NRXN1: variants seen among roughly 807,000 people sequenced by gnomAD.
The protein encoded by NRXN1 is neurexin 1.
A neutral mutation model predicts 150.9 loss-of-function variants in NRXN1; 39 were observed. The ratio of observed to expected loss-of-function variants is 0.26; its 90% CI spans 0.20 to 0.34. NRXN1 has a LOEUF of 0.34. NRXN1 is among the 10% of genes least tolerant of loss of function. NRXN1 has a pLI of 1.00. For missense variants in NRXN1, 1,815 were observed against 1,949.9 expected (o/e 0.93, Z 1.30); for synonymous variants, 924 against 757.0 (o/e 1.22, Z -3.62).
At chr2:50,974,297 A>G (rs1695487876) in intron 2 of NRXN1, among the ~76,000 whole-genome samples, 1 of 152,178 alleles carries the variant, frequency 6.6e-6, no homozygotes, top group South Asian at 2.1e-4. Context: ...TTTGGCCACA[A>G]TTAACTTACA....
At position 50,159,935 on chromosome 2, in the gene NRXN1, G is replaced by C. The variant is rs144286357; in HGVS notation, c.3547-68441C>G. On this transcript the variant is annotated intron_variant, in intron 18 of 22. Transcript: ENST00000401669. ...AAGACTTTGTGTTTGTGAAAAAACT[G>C]TCCTCTTTATTTTATAGCCCATATA... 5.3e-3 allele frequency among the ~76,000 whole-genome samples: 803 copies of C among 152,164 alleles called. 9 individuals are homozygous for C. Among genetic ancestry groups the C allele is most frequent in the African/African-American group, 0.018 (768 of 41,518 alleles).
At chr2:50,831,326 C>T (rs949905974) in intron 5 of NRXN1, among the ~76,000 whole-genome samples, 2 of 152,106 alleles carry the variant, frequency 1.3e-5, no homozygotes, top group Non-Finnish European at 2.9e-5. Context: ...ACATAAAGAA[C>T]AAATACCTTA....
intron 5 of NRXN1, among the ~76,000 whole-genome samples, chr2:50,717,345 A>T (rs189632316): frequency 1.4e-3 from 211 of 152,240 alleles, no homozygotes; most frequent in African/African-American, 4.8e-3. Context: ...ACTTCCTGGT[A>T]CCCCAAAAGC....
intron 21 of NRXN1, among the ~76,000 whole-genome samples, chr2:49,961,254 C>T (rs934460364): frequency 1.3e-5 from 2 of 151,914 alleles, no homozygotes; most frequent in Admixed American, 1.3e-4. Flanking sequence ...CAAACCCTGG[C>T]AGCTATTTAA....
At chr2:50,503,595 G>A (rs959967641) in intron 13 of NRXN1, among the ~76,000 whole-genome samples, 2 of 151,962 alleles carry the variant, frequency 1.3e-5, no homozygotes, top group East Asian at 3.9e-4. Context: ...AAAGAAGGGA[G>A]AGAGAAGGAA....
At chr2:50,879,104 A>T (rs1679046306) in intron 5 of NRXN1, among the ~76,000 whole-genome samples, 1 of 152,040 alleles carries the variant, frequency 6.6e-6, no homozygotes, top group African/African-American at 2.4e-5. Context: ...ATGACCCTAC[A>T]TAGTGTGGCT....
At chr2:50,394,149 C>A (rs541267081) in intron 17 of NRXN1, among the ~76,000 whole-genome samples, 1 of 152,160 alleles carries the variant, frequency 6.6e-6, no homozygotes, top group Non-Finnish European at 1.5e-5. Context: ...GTTTTCATAT[C>A]TCTTCCCCAT....
intron 5 of NRXN1, among the ~76,000 whole-genome samples, chr2:50,867,349 G>A (rs1677097168): frequency 6.6e-6 from 1 of 151,746 alleles, no homozygotes; most frequent in South Asian, 2.1e-4. Context: ...AAATCAGAAG[G>A]AGATTTTTAC....
intron 15 of NRXN1, among the ~76,000 whole-genome samples, chr2:50,484,099 T>TA (rs1435537931): frequency 1.3e-5 from 2 of 152,010 alleles, no homozygotes; most frequent in East Asian, 3.9e-4. Context: ...ATAAACAGGA[T>TA]AAAAAAGGTT....
intron 21 of NRXN1, among the ~76,000 whole-genome samples, chr2:49,951,333 A>T (rs1024627751): frequency 6.6e-5 from 10 of 152,152 alleles, no homozygotes; most frequent in African/African-American, 2.4e-4. Flanking sequence ...ATTTATGTTT[A>T]AAAAATATGT....
intron 19 of NRXN1, among the ~76,000 whole-genome samples, chr2:50,063,060 G>T (rs1022703199): frequency 1.3e-5 from 2 of 152,092 alleles, no homozygotes; most frequent in African/African-American, 4.8e-5. Flanking sequence ...TTTTAAATGA[G>T]AACAAGACAT....
chr2:51,014,113 G>C (rs571945320), intron 2 of NRXN1, among the ~76,000 whole-genome samples: 1 of 152,056 alleles, frequency 6.6e-6, no homozygotes, highest in Non-Finnish European at 1.5e-5. Context: ...AAAGGCAACA[G>C]GGAAGGTGAG....
chr2:50,447,131 C>A (rs2086485470), intron 17 of NRXN1, among the ~76,000 whole-genome samples: 1 of 151,980 alleles, frequency 6.6e-6, no homozygotes, highest in Non-Finnish European at 1.5e-5. Flanking sequence ...CCAAACTAAT[C>A]AAACTAAATA....
chr2:50,637,293 C>T (rs1411669615), intron 5 of NRXN1, among the ~76,000 whole-genome samples: 1 of 152,164 alleles, frequency 6.6e-6, no homozygotes, highest in Non-Finnish European at 1.5e-5. Flanking sequence ...CATTAATCAA[C>T]ATTCTCTAGC....
chr2:50,121,762 C>T lies in NRXN1; in HGVS notation c.3547-30268G>A, dbSNP rs546193572. On this transcript the variant is annotated intron_variant, in intron 18 of 22. Coordinates refer to ENST00000401669, the MANE Select transcript of NRXN1 (RefSeq NM_001330078.2). ...GTATTTTGTTATTGGAAGAAAACAT[C>T]CTAGTACTTTGTTATTAAGGATTAG... 3.9e-5 allele frequency among the ~76,000 whole-genome samples: 6 copies of T among 152,188 alleles called. No homozygotes were observed. The South Asian group carries it at 1.0e-3, about 26-fold the overall frequency.
chr2:50,022,699 T>C (rs1687746955), intron 21 of NRXN1: 1 of 152,246 alleles, frequency 6.6e-6, no homozygotes, highest in Non-Finnish European at 1.5e-5. Context: ...ATCAAGTTTG[T>C]ATAAAAAAAT....
intron 21 of NRXN1, among the ~76,000 whole-genome samples, chr2:49,998,187 G>A (rs768292772): frequency 1.4e-4 from 22 of 152,106 alleles, no homozygotes; most frequent in Non-Finnish European, 3.1e-4. Flanking sequence ...ACTTTTACCT[G>A]CTCTAAACTC....
intron 5 of NRXN1, among the ~76,000 whole-genome samples, chr2:50,807,892 A>G (rs1371663778): frequency 6.6e-6 from 1 of 152,160 alleles, no homozygotes; most frequent in Admixed American, 6.5e-5. Context: ...AAAATATATT[A>G]AATATAACCT....
intron 8 of NRXN1, among the ~76,000 whole-genome samples, chr2:50,558,645 T>G (rs1400210229): frequency 6.6e-6 from 1 of 152,216 alleles, no homozygotes; most frequent in Non-Finnish European, 1.5e-5. Flanking sequence ...TCATTTAGAA[T>G]GTAACAAACG....
Sources: allele counts gnomAD v4.1 joint callset (sites outside exome capture counted in the v4.1 genomes callset), GRCh38; gene constraint gnomAD v4.1.1; transcripts MANE v1.5; gene names NCBI Gene and HGNC (gene_info 2026-07-23, HGNC 2026-07-21).